SLC14A2: variants seen among roughly 807,000 people sequenced by gnomAD.
SLC14A2 encodes the protein urea transporter 2.
In SLC14A2, 91 loss-of-function variants were observed where a neutral mutation model predicts 104.6. The ratio of observed to expected loss-of-function variants is 0.87; its 90% CI spans 0.73 to 1.04. SLC14A2 has a LOEUF of 1.04. Among genes scored for constraint, SLC14A2 ranks in the 50% least tolerant of loss-of-function variants. SLC14A2 has a pLI of 0.00. For missense variants in SLC14A2, 1,189 were observed against 1,156.0 expected (o/e 1.03, Z -0.41); for synonymous variants, 476 against 466.4 (o/e 1.02, Z -0.27).
chr18:45,206,629 G>A, the SLC14A2 span, among the ~76,000 whole-genome samples: 1 of 151,968 alleles, frequency 6.6e-6, no homozygotes, highest in Non-Finnish European at 1.5e-5. Context: ...TTATTTCCTA[G>A]GGTATATTAC....
At chr18:45,602,475 CT>C (rs1389328801) in intron 2 of SLC14A2, among the ~76,000 whole-genome samples, 1 of 152,170 alleles carries the variant, frequency 6.6e-6, no homozygotes, top group Non-Finnish European at 1.5e-5. Flanking sequence ...TACTGTGTGG[CT>C]TTTCCATGGA....
intron 1 of SLC14A2, among the ~76,000 whole-genome samples, chr18:45,402,098 G>A (rs2086102531): frequency 6.6e-6 from 1 of 152,134 alleles, no homozygotes; most frequent in Non-Finnish European, 1.5e-5. Flanking sequence ...GATGATACGG[G>A]TACTGAGCAC....
intron 1 of SLC14A2, among the ~76,000 whole-genome samples, chr18:45,391,652 T>G (rs2085967611): frequency 6.6e-6 from 1 of 152,256 alleles, no homozygotes; most frequent in Non-Finnish European, 1.5e-5. Context: ...ATTGTGGTTT[T>G]GATTTGCATC....
intron 2 of SLC14A2, among the ~76,000 whole-genome samples, chr18:45,509,935 C>T (rs1356832714): frequency 6.6e-6 from 1 of 152,202 alleles, no homozygotes. Flanking sequence ...GGATCCCATC[C>T]ATCCTCTGCC....
At chr18:45,353,200 G>A (rs559145304) in intron 1 of SLC14A2, among the ~76,000 whole-genome samples, 8 of 152,308 alleles carry the variant, frequency 5.3e-5, no homozygotes, top group East Asian at 1.9e-4. Flanking sequence ...ATAGAAGTAC[G>A]GAGTCCTTCT....
intron 2 of SLC14A2, among the ~76,000 whole-genome samples, chr18:45,560,862 C>T (rs1257344500): frequency 6.6e-6 from 1 of 152,132 alleles, no homozygotes; most frequent in African/African-American, 2.4e-5. Flanking sequence ...AAATTCTAGC[C>T]TCAGAAGAGG....
At chr18:45,631,199 C>T (rs1394598303) in intron 4 of SLC14A2, among the ~76,000 whole-genome samples, 2 of 152,240 alleles carry the variant, frequency 1.3e-5, no homozygotes, top group Non-Finnish European at 2.9e-5. Flanking sequence ...CCTCCATGCA[C>T]AGATACTCTT....
intron 1 of SLC14A2, among the ~76,000 whole-genome samples, chr18:45,475,637 TTTAGG>T (rs55877113): frequency 0.015 from 488 of 32,420 alleles, no homozygotes; most frequent in Non-Finnish European, 0.027. Flanking sequence ...TATATATATA[TTTAGG>T]ATATATATAT....
chr18:45,524,087 G>A (rs190658233), intron 2 of SLC14A2, among the ~76,000 whole-genome samples: 1 of 152,314 alleles, frequency 6.6e-6, no homozygotes, highest in East Asian at 1.9e-4. Context: ...GCTATTGTAA[G>A]GATTGGCAGT....
At chr18:45,302,386 T>C (rs2084977129) in intron 1 of SLC14A2, among the ~76,000 whole-genome samples, 2 of 152,212 alleles carry the variant, frequency 1.3e-5, no homozygotes, top group Admixed American at 1.3e-4. Flanking sequence ...CCCTACAGAA[T>C]AGCTTTTCCA....
intron 8 of SLC14A2, among the ~76,000 whole-genome samples, chr18:45,642,330 G>C (rs1276922581): frequency 6.6e-6 from 1 of 152,174 alleles, no homozygotes; most frequent in African/African-American, 2.4e-5. Flanking sequence ...GTAAATATTT[G>C]TCAAGTTAAA....
At chr18:45,403,718 A>G (rs2144462671) in intron 1 of SLC14A2, among the ~76,000 whole-genome samples, 1 of 152,134 alleles carries the variant, frequency 6.6e-6, no homozygotes, top group African/African-American at 2.4e-5. Flanking sequence ...TATCCCCAGT[A>G]TCAGAAACAG....
At chr18:45,492,460 A>G (rs1209469011) in intron 2 of SLC14A2, among the ~76,000 whole-genome samples, 1 of 152,168 alleles carries the variant, frequency 6.6e-6, no homozygotes, top group East Asian at 1.9e-4. Flanking sequence ...GTGTAAGTGC[A>G]GGGAAAACTA....
At chr18:45,280,212 G>T (rs956285014) in intron 1 of SLC14A2, among the ~76,000 whole-genome samples, 1 of 152,156 alleles carries the variant, frequency 6.6e-6, no homozygotes, top group Non-Finnish European at 1.5e-5. Context: ...TGACCTCAAT[G>T]GGGTTGTAGC....
At position 45,669,345 on chromosome 18, in the gene SLC14A2, G is replaced by C. The variant is rs1436284291; in HGVS notation, c.2076G>C (p.Lys692Asn). ...LSSALGTIFS[K>N]WDLPVFTLPF... ...GTGCCCTGGGTACCATCTTCAGCAAGTGGGACCTCCCAGTCTTCACACTGC... is the reference window on the plus strand; with the variant it reads ...GTGCCCTGGGTACCATCTTCAGCAACTGGGACCTCCCAGTCTTCACACTGC... The change falls in exon 16 of 20, where the codon AAG becomes AAC. Residue 692 changes from lysine to asparagine, a missense_variant. Transcript: ENST00000255226. 1.9e-6 allele frequency: 3 copies of C among 1,614,004 alleles called. No homozygotes were observed. Among genetic ancestry groups the C allele is most frequent in the East Asian group, 2.2e-5 (1 of 44,882 alleles).
At chr18:45,651,541 A>G (rs1057220508) in intron 10 of SLC14A2, among the ~76,000 whole-genome samples, 1 of 152,218 alleles carries the variant, frequency 6.6e-6, no homozygotes, top group African/African-American at 2.4e-5. Context: ...CTTTTTAACA[A>G]TGGAAGTTGC....
chr18:45,346,555 C>G (rs1030308127), intron 1 of SLC14A2, among the ~76,000 whole-genome samples: 1 of 152,134 alleles, frequency 6.6e-6, no homozygotes, highest in Non-Finnish European at 1.5e-5. Context: ...TTCTCTAAGT[C>G]TGAATTCTTT....
intron 1 of SLC14A2, among the ~76,000 whole-genome samples, chr18:45,344,856 A>G (rs903504500): frequency 6.6e-6 from 1 of 152,138 alleles, no homozygotes; most frequent in African/African-American, 2.4e-5. Context: ...TCATGCTCTC[A>G]CTATTGATTG....
intron 1 of SLC14A2, among the ~76,000 whole-genome samples, chr18:45,453,044 G>T (rs895063375): frequency 1.3e-5 from 2 of 152,168 alleles, no homozygotes; most frequent in African/African-American, 4.8e-5. Context: ...GTTAATAACT[G>T]CCTTGAGACA....
Sources: gnomAD v4.1 joint callset for allele counts (sites outside exome capture counted in the v4.1 genomes callset) on GRCh38, gnomAD v4.1.1 for gene constraint, MANE v1.5 for transcripts, NCBI Gene and HGNC (gene_info 2026-07-23, HGNC 2026-07-21) for gene names.